MCC: variants seen among roughly 807,000 people sequenced by gnomAD.
The protein encoded by MCC is colorectal mutant cancer protein.
A neutral mutation model predicts 116.2 loss-of-function variants in MCC; 90 were observed. The observed-to-expected ratio is 0.77, with a 90% CI of 0.65 to 0.92. The LOEUF (loss-of-function observed/expected upper bound fraction) is 0.92. Ranked by LOEUF, MCC falls within the 40% of genes least tolerant of loss-of-function variation. The pLI is 0.00. For missense variants in MCC, 1,516 were observed against 1,312.2 expected (o/e 1.16, Z -2.40); for synonymous variants, 578 against 510.5 (o/e 1.13, Z -1.78).
At chr5:113,256,147 C>A (rs1402147911) in intron 3 of MCC, among the ~76,000 whole-genome samples, 1 of 151,944 alleles carries the variant, frequency 6.6e-6, no homozygotes, top group Admixed American at 6.6e-5. Flanking sequence ...CAGAAGAAAC[C>A]AGCACATAGT....
At position 113,025,704 on chromosome 5, in the gene MCC, T is replaced by TA. The variant is rs1197677514; in HGVS notation, c.*1597dup. 1.3e-5 allele frequency: 2 copies of TA among 152,184 alleles called. No homozygotes were observed. Among genetic ancestry groups the TA allele is most frequent in the Admixed American group, 1.3e-4 (2 of 15,272 alleles). 9.4% of individuals were successfully genotyped at this position (152,184 alleles called of 1,614,324 possible). On this transcript the variant is annotated 3_prime_UTR_variant, in exon 19 of 19. Coordinates refer to ENST00000408903, the MANE Select transcript of MCC (RefSeq NM_001085377.2). ...CCCAAAGCTGGTCCTTCTAGACTGA[T>TA]ACCAGTTGATCTGTTGTTTCGTTTT...
intron 3 of MCC, among the ~76,000 whole-genome samples, chr5:113,286,964 T>C (rs1766286338): frequency 6.6e-6 from 1 of 152,208 alleles, no homozygotes; most frequent in African/African-American, 2.4e-5. Flanking sequence ...TTCCAGTAAA[T>C]ATTTACTCTA....
intron 3 of MCC, among the ~76,000 whole-genome samples, chr5:113,172,632 C>T (rs150924861): frequency 1.6e-4 from 24 of 152,328 alleles, no homozygotes; most frequent in Admixed American, 1.6e-3. Flanking sequence ...CATCTTAACA[C>T]AATTACCTAT....
At chr5:113,407,566 C>G (rs1335203810) in intron 1 of MCC, among the ~76,000 whole-genome samples, 4 of 152,164 alleles carry the variant, frequency 2.6e-5, no homozygotes. Context: ...CCAAGCATCA[C>G]CTGGTTAAAT....
intron 3 of MCC, among the ~76,000 whole-genome samples, chr5:113,277,739 C>T (rs1244845878): frequency 1.3e-5 from 2 of 151,764 alleles, no homozygotes; most frequent in African/African-American, 4.9e-5. Context: ...CTTCATACCA[C>T]TCTTTATTTA....
chr5:113,069,951 A>T (rs934987096), intron 12 of MCC, among the ~76,000 whole-genome samples: 8 of 152,366 alleles, frequency 5.3e-5, no homozygotes, highest in African/African-American at 9.6e-5. Context: ...TGCTAGCCCT[A>T]GGTGATACCA....
Position 113,377,173 on chromosome 5 carries a change from A to G in MCC, c.415+7795T>C, listed in dbSNP as rs185084659. Reference sequence around the variant, plus strand: ...GCTTCTCCAATATGGTCACATTTGCATTCTCTCTCACCACCTCCCACTTCT... The same window carrying G: ...GCTTCTCCAATATGGTCACATTTGCGTTCTCTCTCACCACCTCCCACTTCT... On this transcript the variant is annotated intron_variant, in intron 2 of 18. Coordinates refer to ENST00000408903, the MANE Select transcript of MCC (RefSeq NM_001085377.2). Among the ~76,000 whole-genome samples the G allele has an allele frequency of 1.8e-3, 278 of 152,312 alleles. 1 individual carries two copies. Among genetic ancestry groups the G allele is most frequent in the Admixed American group, 3.1e-3 (48 of 15,298 alleles).
chr5:113,087,137 G>T (rs77848316), intron 8 of MCC, among the ~76,000 whole-genome samples: 1 of 152,188 alleles, frequency 6.6e-6, no homozygotes, highest in Non-Finnish European at 1.5e-5. Context: ...TTCTCTAAAA[G>T]GCACTGGAAA....
At chr5:113,204,534 C>T (rs993883503) in intron 3 of MCC, 1 of 152,214 alleles carries the variant, frequency 6.6e-6, no homozygotes, top group Non-Finnish European at 1.5e-5. Context: ...TTCATCAAGT[C>T]TCTGTTCTCT....
chr5:113,176,415 A>C (rs1761338316), intron 3 of MCC, among the ~76,000 whole-genome samples: 1 of 152,254 alleles, frequency 6.6e-6, no homozygotes, highest in South Asian at 2.1e-4. Context: ...AGACATCTGA[A>C]GACAACTGTC....
At position 113,043,703 on chromosome 5, in the gene MCC, G is replaced by A. The variant is rs942341221; in HGVS notation, c.2656-73C>T. The A allele has an allele frequency of 3.0e-5, 32 of 1,064,002 alleles. 1 individual carries two copies. The highest frequency in any genetic ancestry group is 2.0e-4 in the Middle Eastern group (1 of 4,956). The allele number at this position is 1,064,002 out of a possible 1,614,324, so 65.9% of individuals were successfully genotyped here. On this transcript the variant is annotated intron_variant, in intron 16 of 18. Transcript: ENST00000408903. ...GCACCCTGGAAGCCTGCAGCAGAGC[G>A]CGGTAGGTGGCTCGTGCAGTGATGG...
At chr5:113,196,411 C>T (rs1178825940) in intron 3 of MCC, among the ~76,000 whole-genome samples, 1 of 152,200 alleles carries the variant, frequency 6.6e-6, no homozygotes, top group Non-Finnish European at 1.5e-5. Context: ...TACTACCAGG[C>T]ATCTGCTTCT....
At chr5:113,451,714 G>T (rs1443144640) in intron 1 of MCC, among the ~76,000 whole-genome samples, 1 of 152,100 alleles carries the variant, frequency 6.6e-6, no homozygotes, top group East Asian at 1.9e-4. Context: ...GTGAAACTCT[G>T]TCTCAAAAAA....
In MCC at chr5:113,023,732, ATGTT is replaced by A. The variant is rs778056970; in HGVS notation, c.*3566_*3569del. On this transcript the variant is annotated 3_prime_UTR_variant, in exon 19 of 19. Transcript: ENST00000408903. ...TATGGAGGAAAGGACACTTTCAGAG[ATGTT>A]TATTTTTTAATAGTCATCTTGATAT... 6.6e-6 allele frequency: 1 copy of A among 152,232 alleles called. No homozygotes were observed. Among genetic ancestry groups the A allele is most frequent in the African/African-American group, 2.4e-5 (1 of 41,464 alleles). 9.4% of individuals were successfully genotyped at this position (152,232 alleles called of 1,614,324 possible).
At chr5:113,146,316 C>A in intron 4 of MCC, among the ~76,000 whole-genome samples, 1 of 526 alleles carries the variant, frequency 1.9e-3, no homozygotes, top group Non-Finnish European at 0.013. Flanking sequence ...CCTCTGATTC[C>A]TGTTTTTGCC....
intron 2 of MCC, among the ~76,000 whole-genome samples, chr5:113,375,493 G>C (rs1335669995): frequency 6.6e-6 from 1 of 152,164 alleles, no homozygotes; most frequent in Non-Finnish European, 1.5e-5. Flanking sequence ...ACAATTTACT[G>C]TTTCTCGTGA....
At chr5:113,381,919 T>C (rs1053009790) in intron 2 of MCC, among the ~76,000 whole-genome samples, 1 of 152,118 alleles carries the variant, frequency 6.6e-6, no homozygotes, top group African/African-American at 2.4e-5. Flanking sequence ...CAGGAGAACA[T>C]GGTGTCAAGA....
Position 113,069,943 on chromosome 5 carries a change from C to T in MCC, c.1925+1151G>A, listed in dbSNP as rs369883517. 2.6e-4 allele frequency among the ~76,000 whole-genome samples: 40 copies of T among 152,312 alleles called. No homozygotes were observed. In the South Asian group the frequency reaches 7.7e-3, roughly 29 times the overall value. On this transcript the variant is annotated intron_variant, in intron 12 of 18. Transcript: ENST00000408903. The stretch of plus-strand genomic sequence containing the variant: ...AGAGTTAAGACAAAGGGCTGAAATG[C>T]TAGCCCTAGGTGATACCAGCTCCTC...
chr5:113,351,533 A>G (rs1239371742), intron 2 of MCC, among the ~76,000 whole-genome samples: 1 of 152,176 alleles, frequency 6.6e-6, no homozygotes, highest in Admixed American at 6.5e-5. Context: ...GATGGTTACC[A>G]GAAGCTGGAA....
Sources: gnomAD v4.1 joint callset for allele counts (sites outside exome capture counted in the v4.1 genomes callset) on GRCh38, gnomAD v4.1.1 for gene constraint, MANE v1.5 for transcripts, NCBI Gene and HGNC (gene_info 2026-07-23, HGNC 2026-07-21) for gene names.